ST6GALNAC5: variants seen among roughly 807,000 people sequenced by gnomAD.
ST6GALNAC5 encodes alpha-N-acetylgalactosaminide alpha-2,6-sialyltransferase 5.
In ST6GALNAC5, 27 loss-of-function variants were observed where a neutral mutation model predicts 33.6. The ratio of observed to expected loss-of-function variants is 0.80; its 90% CI spans 0.59 to 1.11. ST6GALNAC5 has a LOEUF of 1.11. ST6GALNAC5 is among the 50% of genes least tolerant of loss of function. The pLI is 0.00. For synonymous variants in ST6GALNAC5, 194 were observed against 171.2 expected (o/e 1.13, Z -1.04); for missense variants, 428 against 454.0 (o/e 0.94, Z 0.52).
intron 2 of ST6GALNAC5, among the ~76,000 whole-genome samples, chr1:76,918,997 G>T (rs572902381): frequency 1.3e-5 from 2 of 152,018 alleles, no homozygotes; most frequent in Non-Finnish European, 2.9e-5. Flanking sequence ...TCAGGTAAGC[G>T]CCTCTCTTGT....
chr1:77,018,555 A>G (rs916501297), intron 2 of ST6GALNAC5, among the ~76,000 whole-genome samples: 2 of 152,320 alleles, frequency 1.3e-5, no homozygotes, highest in South Asian at 4.1e-4. Flanking sequence ...CTCCACAGCC[A>G]TTGATCCTAA....
At chr1:77,020,943 A>G (rs1034297279) in intron 2 of ST6GALNAC5, among the ~76,000 whole-genome samples, 3 of 152,182 alleles carry the variant, frequency 2.0e-5, no homozygotes, top group African/African-American at 7.2e-5. Flanking sequence ...TCCGCACAGC[A>G]TGGCTGCTGG....
intron 2 of ST6GALNAC5, among the ~76,000 whole-genome samples, chr1:76,929,395 A>T (rs1417195452): frequency 6.6e-6 from 1 of 152,022 alleles, no homozygotes; most frequent in Non-Finnish European, 1.5e-5. Context: ...AAAAAATAGA[A>T]GGGCATTGTG....
chr1:77,001,885 G>A lies in ST6GALNAC5; in HGVS notation c.262-42319G>A, dbSNP rs369085693. On this transcript the variant is annotated intron_variant, in intron 2 of 4. Transcript: ENST00000477717. ...AGCTTTTTGATGTGCTGCTGGATTCGTTTTGCCAGTATTTTATTGAGGATT... is the reference window on the plus strand; with the variant it reads ...AGCTTTTTGATGTGCTGCTGGATTCATTTTGCCAGTATTTTATTGAGGATT... Among the ~76,000 whole-genome samples, 128 of 151,950 alleles carry A rather than the reference G, an allele frequency of 8.4e-4. 1 individual carries two copies. The highest frequency in any genetic ancestry group is 1.5e-3 in the Non-Finnish European group (100 of 67,968).
chr1:76,991,841 A>G (rs34991923), intron 2 of ST6GALNAC5, among the ~76,000 whole-genome samples: 2,652 of 79,894 alleles, frequency 0.033, 33 homozygotes, highest in Non-Finnish European at 0.036. Context: ...GCGTGTGCGC[A>G]CACACACACA....
chr1:76,943,617 T>G (rs1647410285), intron 2 of ST6GALNAC5, among the ~76,000 whole-genome samples: 2 of 152,096 alleles, frequency 1.3e-5, no homozygotes, highest in South Asian at 4.1e-4. Flanking sequence ...CCCCACTGAC[T>G]GACTTCGACC....
At position 76,868,673 on chromosome 1, in the gene ST6GALNAC5, C is replaced by T; in HGVS notation, c.192C>T (p.Thr64=). 1.3e-6 allele frequency: 2 copies of T among 1,567,978 alleles called. No homozygotes were observed. The highest frequency in any genetic ancestry group is 2.4e-5 in the East Asian group (1 of 42,012). ...CGCAGCCGGCGGCGGAGAGCAGCAC[C>T]CAGCAGCGCCCCGGGGTCCCCGCGG... ...GSSQPAAESS[T]QQRPGVPAGP... Residue 64 remains threonine (T), a synonymous_variant, in exon 2 of 5, where the codon ACC becomes ACT. Transcript: ENST00000477717. The surrounding 1 kb of genome is among the most constrained non-coding windows in gnomAD (Gnocchi z 4.3).
intron 2 of ST6GALNAC5, among the ~76,000 whole-genome samples, chr1:76,981,499 G>T (rs1329895419): frequency 6.6e-6 from 1 of 152,228 alleles, no homozygotes; most frequent in Non-Finnish European, 1.5e-5. Flanking sequence ...CTCAAACTGG[G>T]TGGGGCCCAC....
chr1:76,890,245 T>A (rs1401731855), intron 2 of ST6GALNAC5, among the ~76,000 whole-genome samples: 1 of 152,236 alleles, frequency 6.6e-6, no homozygotes, highest in Non-Finnish European at 1.5e-5. Flanking sequence ...ATCATTTTTA[T>A]GAATTCTAAA....
At chr1:76,953,978 G>A (rs150490697) in intron 2 of ST6GALNAC5, among the ~76,000 whole-genome samples, 2,387 of 152,152 alleles carry the variant, frequency 0.016, 34 homozygotes, top group Non-Finnish European at 0.025. Flanking sequence ...ATGCTTGTGC[G>A]TAACAACTAG....
chr1:76,868,611 C>T lies in ST6GALNAC5; in HGVS notation c.130C>T (p.Gln44Ter). Residue 44 changes from glutamine (Q) to a stop codon, truncating the protein, a stop_gained, in exon 2 of 5, where the codon CAG (glutamine) becomes TAG (stop). Transcript: ENST00000477717. LOFTEE classifies it high-confidence loss of function. This position sits in a 1 kb window ranked among gnomAD's most constrained non-coding sequence, Gnocchi z 4.3. ...GCCCCCGCAGCAGCAGCAGCAGCAGCAGCAACAGCAGCAGCAGGCGTCGGC... is the reference window on the plus strand; with the variant it reads ...GCCCCCGCAGCAGCAGCAGCAGCAGTAGCAACAGCAGCAGCAGGCGTCGGC... ...ERPPQQQQQQ[Q>*]QQQQQASATG... The T allele has an allele frequency of 1.9e-6, 3 of 1,611,262 alleles. No individual in the cohort carries two copies. Among genetic ancestry groups the T allele is most frequent in the Non-Finnish European group, 2.5e-6 (3 of 1,179,216 alleles).
At chr1:77,058,086 TG>T (rs1272526325) in intron 4 of ST6GALNAC5, among the ~76,000 whole-genome samples, 2 of 152,172 alleles carry the variant, frequency 1.3e-5, no homozygotes, top group Non-Finnish European at 2.9e-5. Context: ...CAGGGAAACC[TG>T]GGTGCCATTA....
chr1:76,976,508 TA>T (rs1649018816), intron 2 of ST6GALNAC5, among the ~76,000 whole-genome samples: 1 of 152,190 alleles, frequency 6.6e-6, no homozygotes, highest in South Asian at 2.1e-4. Context: ...ACCCATTCTT[TA>T]AAGATTTAAT....
At chr1:76,905,235 T>C (rs534535934) in intron 2 of ST6GALNAC5, among the ~76,000 whole-genome samples, 1 of 152,274 alleles carries the variant, frequency 6.6e-6, no homozygotes, top group African/African-American at 2.4e-5. Flanking sequence ...AAGGATGAGG[T>C]GGCGGGATAA....
At position 77,067,100 on chromosome 1, in the gene ST6GALNAC5, A is replaced by G. The variant is rs1652803625; in HGVS notation, c.*3894A>G. Among the ~76,000 whole-genome samples, 1 of 152,188 alleles carries G rather than the reference A, an allele frequency of 6.6e-6. No individual in the cohort carries two copies. Among genetic ancestry groups the G allele is most frequent in the Non-Finnish European group, 1.5e-5 (1 of 68,024 alleles). Reference sequence around the variant, plus strand: ...TAAAACCAGGGAAGTCCTGGGCTCCATGACAGTGGCTCACCCTATCAGAAG... The same window carrying G: ...TAAAACCAGGGAAGTCCTGGGCTCCGTGACAGTGGCTCACCCTATCAGAAG... On this transcript the variant is annotated 3_prime_UTR_variant, in exon 5 of 5. Coordinates refer to ENST00000477717, the MANE Select transcript of ST6GALNAC5 (RefSeq NM_030965.3).
chr1:76,987,346 C>A (rs781167610), intron 2 of ST6GALNAC5, among the ~76,000 whole-genome samples: 2 of 152,062 alleles, frequency 1.3e-5, no homozygotes, highest in Non-Finnish European at 2.9e-5. Flanking sequence ...AGATTTTCAG[C>A]GTCATTCATC....
chr1:77,029,950 G>A (rs1181680296), intron 2 of ST6GALNAC5, among the ~76,000 whole-genome samples: 1 of 152,154 alleles, frequency 6.6e-6, no homozygotes, highest in African/African-American at 2.4e-5. Context: ...TCATTTATGG[G>A]AATGCAGTGT....
chr1:76,895,842 G>T (rs1296895903), intron 2 of ST6GALNAC5, among the ~76,000 whole-genome samples: 1 of 152,132 alleles, frequency 6.6e-6, no homozygotes, highest in Non-Finnish European at 1.5e-5. Context: ...ATGAGACTGG[G>T]GCCTAATAAA....
chr1:76,961,005 A>G (rs1276074518), intron 2 of ST6GALNAC5, among the ~76,000 whole-genome samples: 3 of 152,206 alleles, frequency 2.0e-5, no homozygotes, highest in Non-Finnish European at 4.4e-5. Flanking sequence ...GGCATAGGAA[A>G]TCACAAGGGT....
Sources: allele counts gnomAD v4.1 joint callset (sites outside exome capture counted in the v4.1 genomes callset), GRCh38; gene constraint gnomAD v4.1.1; non-coding constraint Gnocchi (gnomAD v3.1); transcripts MANE v1.5; gene names NCBI Gene and HGNC (gene_info 2026-07-23, HGNC 2026-07-21).